The following PPARGC1A variants were observed in gnomAD, a reference collection of about 807,000 sequenced individuals.
PPARGC1A encodes the protein peroxisome proliferator-activated receptor gamma coactivator 1-alpha.
In PPARGC1A, 25 loss-of-function variants were observed where a neutral mutation model predicts 88.7. The observed-to-expected ratio is 0.28, with a 90% CI of 0.21 to 0.39. PPARGC1A has a LOEUF of 0.39. Ranked by LOEUF, PPARGC1A falls within the 10% of genes least tolerant of loss-of-function variation. PPARGC1A has a pLI of 1.00. For synonymous variants in PPARGC1A, 363 were observed against 355.6 expected (o/e 1.02, Z -0.24); for missense variants, 880 against 968.7 (o/e 0.91, Z 1.22).
chr4:23,835,635 T>C (rs1023221191), intron 2 of PPARGC1A, among the ~76,000 whole-genome samples: 1 of 152,196 alleles, frequency 6.6e-6, no homozygotes, highest in Non-Finnish European at 1.5e-5. Flanking sequence ...TGTGGGTGAC[T>C]CACAGAGGTG....
chr4:24,204,461 G>A, the PPARGC1A span, among the ~76,000 whole-genome samples: 1 of 151,724 alleles, frequency 6.6e-6, no homozygotes, highest in Non-Finnish European at 1.5e-5. Flanking sequence ...GAAAGGGAGG[G>A]ACAGGGAAGG....
the PPARGC1A span, among the ~76,000 whole-genome samples, chr4:23,926,235 C>A: frequency 6.6e-6 from 1 of 152,142 alleles, no homozygotes; most frequent in African/African-American, 2.4e-5. Flanking sequence ...TGGGTACTCA[C>A]CACCAACATC....
the PPARGC1A span, among the ~76,000 whole-genome samples, chr4:23,910,041 A>G: frequency 1.4e-5 from 2 of 146,728 alleles, no homozygotes; most frequent in African/African-American, 2.5e-5. Context: ...TCACTAGAAG[A>G]CCAGAGACAT....
At chr4:24,340,238 C>G in the PPARGC1A span, among the ~76,000 whole-genome samples, 1 of 152,116 alleles carries the variant, frequency 6.6e-6, no homozygotes, top group South Asian at 2.1e-4. Context: ...GCACTTTATT[C>G]AGAAAATAAT....
the PPARGC1A span, among the ~76,000 whole-genome samples, chr4:24,290,853 G>A: frequency 6.6e-6 from 1 of 152,184 alleles, no homozygotes; most frequent in Non-Finnish European, 1.5e-5. Flanking sequence ...TGACATTAGA[G>A]TCATCATCTG....
chr4:24,427,740 G>A, the PPARGC1A span, among the ~76,000 whole-genome samples: 1 of 152,052 alleles, frequency 6.6e-6, no homozygotes, highest in Non-Finnish European at 1.5e-5. Flanking sequence ...CTGGAGGTGT[G>A]GCAGGAGGGG....
At chr4:23,841,074 A>G (rs1264263321) in intron 2 of PPARGC1A, among the ~76,000 whole-genome samples, 7 of 152,144 alleles carry the variant, frequency 4.6e-5, no homozygotes, top group African/African-American at 1.7e-4. Flanking sequence ...GGAAGTTTAA[A>G]TGGGTCTTGA....
chr4:24,129,461 G>A, the PPARGC1A span, among the ~76,000 whole-genome samples: 4,103 of 152,210 alleles, frequency 0.027, 73 homozygotes, highest in Middle Eastern at 0.048. Flanking sequence ...AAGCTTTGAT[G>A]GCTTTACAGC....
the PPARGC1A span, among the ~76,000 whole-genome samples, chr4:24,032,992 G>C: frequency 1.3e-5 from 2 of 152,166 alleles, no homozygotes; most frequent in African/African-American, 4.8e-5. Flanking sequence ...AGGAGCACTG[G>C]CTTTTAAGGG....
chr4:24,318,449 A>T, the PPARGC1A span, among the ~76,000 whole-genome samples: 1 of 152,252 alleles, frequency 6.6e-6, no homozygotes, highest in Admixed American at 6.5e-5. Context: ...CCAAAGGAAC[A>T]TCAGAAAAGG....
At chr4:23,812,129 G>A (rs10938963) in intron 10 of PPARGC1A, among the ~76,000 whole-genome samples, 51,820 of 151,126 alleles carry the variant, frequency 0.34, 9,372 homozygotes, top group Middle Eastern at 0.45. Context: ...CTCCTATGTC[G>A]TTTCCTGTTT....
intron 10 of PPARGC1A, among the ~76,000 whole-genome samples, chr4:23,809,691 T>TATA (rs1720508821): frequency 6.6e-6 from 1 of 152,224 alleles, no homozygotes; most frequent in Non-Finnish European, 1.5e-5. Flanking sequence ...TATAAAAAGA[T>TATA]AAATGAAGTA....
chr4:24,322,839 A>C, the PPARGC1A span, among the ~76,000 whole-genome samples: 75,487 of 152,004 alleles, frequency 0.5, 19,677 homozygotes, highest in African/African-American at 0.66. Flanking sequence ...GCCATCCACA[A>C]TGATTGGCTG....
chr4:24,113,158 A>G, the PPARGC1A span, among the ~76,000 whole-genome samples: 1 of 152,276 alleles, frequency 6.6e-6, no homozygotes, highest in East Asian at 1.9e-4. Flanking sequence ...TTCCTTTTAG[A>G]GCACAATCCA....
the PPARGC1A span, among the ~76,000 whole-genome samples, chr4:24,295,666 T>G: frequency 6.8e-6 from 1 of 146,546 alleles, no homozygotes; most frequent in East Asian, 1.9e-4. Flanking sequence ...TTGTGTTATA[T>G]ATATGTATAT....
chr4:23,839,848 G>T (rs1032424380), intron 2 of PPARGC1A, among the ~76,000 whole-genome samples: 2 of 151,962 alleles, frequency 1.3e-5, no homozygotes, highest in Non-Finnish European at 2.9e-5. Flanking sequence ...AAAACCATTA[G>T]ATCTCGTGCG....
the PPARGC1A span, among the ~76,000 whole-genome samples, chr4:24,000,484 C>A: frequency 6.9e-6 from 1 of 145,792 alleles, no homozygotes. Context: ...ATAAAAAAAT[C>A]CAAATACATC....
chr4:23,901,222 T>C (rs1049187751), upstream of PPARGC1A, among the ~76,000 whole-genome samples: 2 of 151,960 alleles, frequency 1.3e-5, no homozygotes, highest in African/African-American at 2.4e-5. Context: ...TATAAAAAAT[T>C]AGCCAGGCGT....
At chr4:24,377,192 A>G in the PPARGC1A span, among the ~76,000 whole-genome samples, 30,464 of 151,758 alleles carry the variant, frequency 0.2, 3,172 homozygotes, top group African/African-American at 0.23. Context: ...AGCCAAGGGG[A>G]AAAAAAGAAA....
Sources: gnomAD v4.1 joint callset for allele counts (sites outside exome capture counted in the v4.1 genomes callset) on GRCh38, gnomAD v4.1.1 for gene constraint, MANE v1.5 for transcripts, NCBI Gene and HGNC (gene_info 2026-07-23, HGNC 2026-07-21) for gene names.